The following CNTNAP2 variants were observed in gnomAD, a reference collection of about 807,000 sequenced individuals.
CNTNAP2 encodes contactin associated protein 2.
Under a neutral mutation model 155.2 loss-of-function variants are expected in CNTNAP2, and 98 were observed. That is an observed-to-expected ratio of 0.63 (90% CI 0.54 to 0.75). The LOEUF is 0.75. Among genes scored for constraint, CNTNAP2 ranks in the 30% least tolerant of loss-of-function variants. CNTNAP2 has a pLI of 0.00. For missense variants in CNTNAP2, 1,727 were observed against 1,688.1 expected (o/e 1.02, Z -0.40); for synonymous variants, 651 against 631.2 (o/e 1.03, Z -0.47).
intron 1 of CNTNAP2, among the ~76,000 whole-genome samples, chr7:146,520,757 C>A (rs1453064481): frequency 6.6e-6 from 1 of 151,842 alleles, no homozygotes; most frequent in African/African-American, 2.4e-5. Context: ...CAACTCTTAA[C>A]TGGTGGAATC....
intron 1 of CNTNAP2, among the ~76,000 whole-genome samples, chr7:146,418,091 T>C (rs1273347099): frequency 6.6e-6 from 1 of 152,202 alleles, no homozygotes; most frequent in African/African-American, 2.4e-5. Flanking sequence ...TTTTTCACTG[T>C]CATTTAACTT....
At chr7:148,176,981 T>G (rs1167302568) in intron 18 of CNTNAP2, among the ~76,000 whole-genome samples, 2 of 152,194 alleles carry the variant, frequency 1.3e-5, no homozygotes, top group Non-Finnish European at 2.9e-5. Flanking sequence ...CACTCAAGAA[T>G]TCTATAATTA....
chr7:147,581,507 A>C (rs1378640952), intron 12 of CNTNAP2, among the ~76,000 whole-genome samples: 1 of 152,196 alleles, frequency 6.6e-6, no homozygotes, highest in African/African-American at 2.4e-5. Flanking sequence ...AGCATGGCAA[A>C]ATGAGTTTTG....
At chr7:147,639,394 T>C in intron 13 of CNTNAP2, 88 bp downstream of exon 13, 1 of 1,242,060 alleles carries the variant, frequency 8.1e-7, no homozygotes, top group South Asian at 1.3e-5. Context: ...TGGTTCATTA[T>C]CTTATAGTCT....
At chr7:146,743,620 C>G (rs563714612) in intron 1 of CNTNAP2, among the ~76,000 whole-genome samples, 13 of 151,908 alleles carry the variant, frequency 8.6e-5, no homozygotes, top group African/African-American at 2.9e-4. Context: ...AAAATCATAA[C>G]CATGCACAGT....
chr7:146,905,909 GC>G (rs1796112281), intron 3 of CNTNAP2, among the ~76,000 whole-genome samples: 3 of 152,326 alleles, frequency 2.0e-5, no homozygotes, highest in Admixed American at 1.3e-4. Context: ...ACTAGGGAGT[GC>G]CAGACAGTGG....
intron 1 of CNTNAP2, among the ~76,000 whole-genome samples, chr7:146,668,457 T>G (rs1280500642): frequency 6.6e-6 from 1 of 151,304 alleles, no homozygotes; most frequent in Non-Finnish European, 1.5e-5. Flanking sequence ...TGTGTGTGTG[T>G]GTGTGTGTGT....
At chr7:147,882,903 T>A (rs1377052342) in intron 13 of CNTNAP2, among the ~76,000 whole-genome samples, 1 of 152,226 alleles carries the variant, frequency 6.6e-6, no homozygotes, top group Non-Finnish European at 1.5e-5. Flanking sequence ...TTGACAAATA[T>A]ATACAGAAAT....
chr7:146,426,051 C>T (rs899262928), intron 1 of CNTNAP2, among the ~76,000 whole-genome samples: 10 of 151,120 alleles, frequency 6.6e-5, no homozygotes, highest in Middle Eastern at 3.4e-3. Context: ...CTGGCCGTGG[C>T]GGCGCAAGCC....
intron 13 of CNTNAP2, among the ~76,000 whole-genome samples, chr7:147,898,767 C>T (rs1799813416): frequency 6.6e-6 from 1 of 152,134 alleles, no homozygotes; most frequent in Admixed American, 6.5e-5. Flanking sequence ...ATCTGCCCAC[C>T]TCAGCCTCCC....
intron 19 of CNTNAP2, among the ~76,000 whole-genome samples, chr7:148,228,904 G>C (rs1795909342): frequency 6.7e-6 from 1 of 149,798 alleles, no homozygotes; most frequent in Non-Finnish European, 1.5e-5. Context: ...GTCACACTTT[G>C]CTGACGGGGT....
chr7:148,009,293 A>T (rs1488680727), intron 15 of CNTNAP2, among the ~76,000 whole-genome samples: 1 of 152,178 alleles, frequency 6.6e-6, no homozygotes, highest in Non-Finnish European at 1.5e-5. Context: ...AGAATACTGC[A>T]CTGAAAGTGA....
At chr7:148,035,779 G>A (rs1337387940) in intron 15 of CNTNAP2, among the ~76,000 whole-genome samples, 1 of 152,180 alleles carries the variant, frequency 6.6e-6, no homozygotes, top group African/African-American at 2.4e-5. Context: ...CCCCAGCCTG[G>A]GAGAGATGCA....
At chr7:147,781,882 G>A (rs1280491188) in intron 13 of CNTNAP2, among the ~76,000 whole-genome samples, 3 of 152,130 alleles carry the variant, frequency 2.0e-5, no homozygotes, top group African/African-American at 7.2e-5. Flanking sequence ...AATTAGCTGG[G>A]CGTGGCGGCG....
chr7:146,592,153 T>C (rs1798792781), intron 1 of CNTNAP2, among the ~76,000 whole-genome samples: 1 of 152,166 alleles, frequency 6.6e-6, no homozygotes, highest in Non-Finnish European at 1.5e-5. Context: ...GCCAGCTCTG[T>C]TCAGTAGGAT....
chr7:146,919,678 G>A (rs1176878255), intron 3 of CNTNAP2, among the ~76,000 whole-genome samples: 1 of 152,176 alleles, frequency 6.6e-6, no homozygotes, highest in Non-Finnish European at 1.5e-5. Flanking sequence ...CAGCCAGGAG[G>A]TGGCACGTTC....
intron 15 of CNTNAP2, among the ~76,000 whole-genome samples, chr7:148,036,068 C>T (rs1415623976): frequency 6.6e-6 from 1 of 152,180 alleles, no homozygotes; most frequent in East Asian, 1.9e-4. Flanking sequence ...ATTTTGGAAG[C>T]ACATAACTTG....
chr7:147,099,181 T>C (rs1456020612), intron 4 of CNTNAP2, among the ~76,000 whole-genome samples: 3 of 152,144 alleles, frequency 2.0e-5, no homozygotes, highest in Non-Finnish European at 4.4e-5. Context: ...CCTAGTTGTC[T>C]TGTACCTGAT....
chr7:147,557,341 A>G (rs1413709070), intron 11 of CNTNAP2, among the ~76,000 whole-genome samples: 1 of 152,194 alleles, frequency 6.6e-6, no homozygotes, highest in Non-Finnish European at 1.5e-5. Flanking sequence ...TGATATGTTC[A>G]GTAGTAATAT....
Sources: gnomAD v4.1 joint callset for allele counts (sites outside exome capture counted in the v4.1 genomes callset) on GRCh38, gnomAD v4.1.1 for gene constraint, MANE v1.5 for transcripts, NCBI Gene and HGNC (gene_info 2026-07-23, HGNC 2026-07-21) for gene names.